Variants in SMYD3 observed in about 807,000 individuals in gnomAD.
The protein encoded by SMYD3 is SET and MYND domain containing 3.
Under a neutral mutation model 57.7 loss-of-function variants are expected in SMYD3, and 36 were observed. That is an observed-to-expected ratio of 0.62 (90% CI 0.48 to 0.82). SMYD3 has a LOEUF of 0.82. Ranked by LOEUF, SMYD3 falls within the 40% of genes least tolerant of loss-of-function variation. SMYD3 has a pLI of 0.00. For missense variants in SMYD3, 515 were observed against 538.8 expected, an observed-to-expected ratio of 0.96 and a Z score of 0.44; for synonymous variants, 211 against 195.0, an observed-to-expected ratio of 1.08 and a Z score of -0.68.
chr1:246,233,721 G>A (rs199819533), intron 5 of SMYD3, among the ~76,000 whole-genome samples: 27 of 110,392 alleles, frequency 2.4e-4, no homozygotes, highest in East Asian at 1.6e-3. Flanking sequence ...ACCACACAGA[G>A]GAGAAGCACT....
At chr1:246,031,826 A>G (rs960527038) in intron 5 of SMYD3, among the ~76,000 whole-genome samples, 2 of 152,010 alleles carry the variant, frequency 1.3e-5, no homozygotes, top group Non-Finnish European at 2.9e-5. Flanking sequence ...TTCTAGCTTT[A>G]TTGTAGTCTG....
At chr1:246,168,798 T>A (rs901257176) in intron 5 of SMYD3, among the ~76,000 whole-genome samples, 8 of 152,128 alleles carry the variant, frequency 5.3e-5, no homozygotes, top group Non-Finnish European at 1.2e-4. Flanking sequence ...TTCTGACAAG[T>A]CTACCTTGCT....
chr1:246,273,971 CTTCT>C (rs1311720739), intron 5 of SMYD3, among the ~76,000 whole-genome samples: 10 of 151,958 alleles, frequency 6.6e-5, no homozygotes, highest in Non-Finnish European at 1.3e-4. Context: ...GCATTTAGTT[CTTCT>C]TTATCTAGTT....
intron 5 of SMYD3, among the ~76,000 whole-genome samples, chr1:245,931,804 C>T (rs2056740041): frequency 6.6e-6 from 1 of 152,146 alleles, no homozygotes; most frequent in Non-Finnish European, 1.5e-5. Context: ...GAGACTCTTC[C>T]ACTGCTCCAA....
At position 246,248,631 on chromosome 1, in the gene SMYD3, C is replaced by CTTGTTTTTTTTTTTTTTTTT. The variant is rs1309872022; in HGVS notation, c.531+78569_531+78570insAAAAAAAAAAAAAAAAACAA. 8.4e-5 allele frequency among the ~76,000 whole-genome samples: 10 copies of CTTGTTTTTTTTTTTTTTTTT among 119,258 alleles called. 1 individual carries two copies. Among genetic ancestry groups the CTTGTTTTTTTTTTTTTTTTT allele is most frequent in the East Asian group, 2.9e-4 (1 of 3,404 alleles). 78.2% of individuals were successfully genotyped at this position (119,258 alleles called of 152,430 possible). The stretch of plus-strand genomic sequence containing the variant: ...GGCCAGTTATGCAAAAGCTCTCTGA[C>CTTGTTTTTTTTTTTTTTTTT]TTTCCTTTTTTTTTTTTTTTTTTTT... On this transcript the variant is annotated intron_variant, in intron 5 of 11. Coordinates refer to ENST00000490107, the MANE Select transcript of SMYD3 (RefSeq NM_001167740.2).
At chr1:246,327,370 C>G (rs368626883) in intron 4 of SMYD3, 33 bp from the exon 5 acceptor site, 1 of 1,581,108 alleles carries the variant, frequency 6.3e-7, no homozygotes, top group Non-Finnish European at 8.6e-7. Context: ...AGCACAATCT[C>G]AAAGTAAACT....
intron 5 of SMYD3, among the ~76,000 whole-genome samples, chr1:246,304,877 C>G (rs1320850930): frequency 6.6e-6 from 1 of 152,142 alleles, no homozygotes; most frequent in Non-Finnish European, 1.5e-5. Flanking sequence ...TTAAAAACTA[C>G]CAATGAGACA....
intron 5 of SMYD3, among the ~76,000 whole-genome samples, chr1:246,065,288 C>T (rs907659271): frequency 6.6e-6 from 1 of 152,184 alleles, no homozygotes; most frequent in African/African-American, 2.4e-5. Flanking sequence ...ATTTTCTTCA[C>T]AAGACTTAGG....
rs1418070813 is a variant in SMYD3 at position 246,341,567 on chromosome 1, G to A, written c.229-6093C>T. 2.6e-5 allele frequency among the ~76,000 whole-genome samples: 4 copies of A among 152,112 alleles called. No homozygotes were observed. In the East Asian group the frequency reaches 7.7e-4, roughly 29 times the overall value. On this transcript the variant is annotated intron_variant, in intron 2 of 11. Transcript: ENST00000490107. Reference sequence around the variant, plus strand: ...TATATTATCATTATTTGAAATTAAGGCCATACAAAAAGAAGAAATGAAAGT... The same window carrying A: ...TATATTATCATTATTTGAAATTAAGACCATACAAAAAGAAGAAATGAAAGT...
At chr1:246,487,873 T>C (rs1209772994) in intron 1 of SMYD3, among the ~76,000 whole-genome samples, 6 of 152,122 alleles carry the variant, frequency 3.9e-5, no homozygotes, top group Admixed American at 3.3e-4. Flanking sequence ...TTTGTATTTT[T>C]AGTAGAGACA....
chr1:245,827,637 A>G (rs2049577805), intron 10 of SMYD3, among the ~76,000 whole-genome samples: 1 of 151,942 alleles, frequency 6.6e-6, no homozygotes, highest in Non-Finnish European at 1.5e-5. Context: ...ATGATCTTCC[A>G]AGGAGGAAAG....
At chr1:246,026,261 A>C (rs531626871) in intron 5 of SMYD3, among the ~76,000 whole-genome samples, 3 of 152,274 alleles carry the variant, frequency 2.0e-5, no homozygotes, top group Admixed American at 2.0e-4. Context: ...GAGAGCATAA[A>C]GAAGTCTTAG....
At chr1:245,795,491 C>T (rs1194381970) in intron 10 of SMYD3, among the ~76,000 whole-genome samples, 1 of 152,222 alleles carries the variant, frequency 6.6e-6, no homozygotes, top group African/African-American at 2.4e-5. Context: ...AGCCAGGTAG[C>T]CAGTGGCTTC....
intron 5 of SMYD3, among the ~76,000 whole-genome samples, chr1:245,959,811 C>T (rs2057953339): frequency 6.6e-6 from 1 of 152,144 alleles, no homozygotes; most frequent in Non-Finnish European, 1.5e-5. Context: ...CAGGGTCTTG[C>T]TCTGTTGCCC....
intron 5 of SMYD3, among the ~76,000 whole-genome samples, chr1:246,006,785 A>G (rs946145): frequency 6.6e-6 from 1 of 152,018 alleles, no homozygotes; most frequent in Admixed American, 6.5e-5. Context: ...CCCCACAGCT[A>G]TATTAACTGT....
At chr1:245,875,255 C>T (rs1182527491) in intron 8 of SMYD3, among the ~76,000 whole-genome samples, 3 of 152,204 alleles carry the variant, frequency 2.0e-5, no homozygotes. Context: ...TTACTGTTAA[C>T]AGAGTCTTCC....
intron 5 of SMYD3, among the ~76,000 whole-genome samples, chr1:246,023,770 T>C (rs906413433): frequency 8.0e-5 from 12 of 150,208 alleles, no homozygotes; most frequent in African/African-American, 3.0e-4. Flanking sequence ...GGTGAGTCAT[T>C]TAACCTCAGA....
chr1:245,856,220 A>G (rs1401301229), intron 10 of SMYD3, among the ~76,000 whole-genome samples: 2 of 152,234 alleles, frequency 1.3e-5, no homozygotes, highest in Admixed American at 1.3e-4. Flanking sequence ...GACAACATCT[A>G]ACCTGCCCAT....
intron 10 of SMYD3, among the ~76,000 whole-genome samples, chr1:245,781,995 T>A (rs559817052): frequency 2.6e-4 from 39 of 151,868 alleles, no homozygotes; most frequent in East Asian, 2.5e-3. Context: ...CTAATCAAAA[T>A]TTTTTTTAAA....
Sources: allele counts gnomAD v4.1 joint callset (sites outside exome capture counted in the v4.1 genomes callset), GRCh38; gene constraint gnomAD v4.1.1; transcripts MANE v1.5; gene names NCBI Gene and HGNC (gene_info 2026-07-23, HGNC 2026-07-21).